DDC: variants seen among roughly 807,000 people sequenced by gnomAD.
DDC encodes the protein dopa decarboxylase, also known as aromatic-L-amino-acid decarboxylase.
In DDC, 43 loss-of-function variants were observed where a neutral mutation model predicts 60.0. The observed-to-expected ratio is 0.72, with a 90% CI of 0.56 to 0.92. The LOEUF is 0.92. Among genes scored for constraint, DDC ranks in the 40% least tolerant of loss-of-function variants. DDC has a pLI of 0.00. For synonymous variants in DDC, 232 were observed against 234.6 expected, an observed-to-expected ratio of 0.99 and a Z score of 0.10; for missense variants, 573 against 620.2, an observed-to-expected ratio of 0.92 and a Z score of 0.81.
At chr7:50,526,077 A>C (rs1339711605) in intron 6 of DDC, among the ~76,000 whole-genome samples, 1 of 152,230 alleles carries the variant, frequency 6.6e-6, no homozygotes, top group Non-Finnish European at 1.5e-5. Flanking sequence ...ACACCAAATT[A>C]CAGATTCAGG....
At position 50,548,034 on chromosome 7, in the gene DDC, A is replaced by G. The variant is rs112154651; in HGVS notation, c.-28-3921T>C. Among the ~76,000 whole-genome samples the G allele has an allele frequency of 1.3e-5, 2 of 152,334 alleles. 1 individual carries two copies. The highest frequency in any genetic ancestry group is 4.8e-5 in the African/African-American group (2 of 41,592). On this transcript the variant is annotated intron_variant, in intron 1 of 14. Coordinates refer to ENST00000444124, the MANE Select transcript of DDC (RefSeq NM_001082971.2). ...TATTATTAATCTGTTATAGTGATCT[A>G]TGGTCGGCAATCTTTGATGTTACTA...
In DDC at chr7:50,468,931, ATTTTTTTT is replaced by A. The variant is rs36005269; in HGVS notation, c.1140+1134_1140+1141del. ...CTCATATTCAGGACTCAGTTTCCTC[ATTTTTTTT>A]TTTTTTTTTTTTTTTGGTGAGACGG... is the stretch of plus-strand genomic sequence containing the variant. On this transcript the variant is annotated intron_variant, in intron 12 of 14. Transcript: ENST00000444124. Among the ~76,000 whole-genome samples, 237 of 86,164 alleles carry A rather than the reference ATTTTTTTT, an allele frequency of 2.8e-3. 1 individual carries two copies. Among genetic ancestry groups the A allele is most frequent in the East Asian group, 0.023 (74 of 3,272 alleles). 56.5% of individuals were successfully genotyped at this position (86,164 alleles called of 152,430 possible).
intron 6 of DDC, among the ~76,000 whole-genome samples, chr7:50,524,323 A>G (rs543910671): frequency 3.4e-4 from 52 of 152,360 alleles, no homozygotes; most frequent in African/African-American, 1.2e-3. Context: ...GATGTTATGT[A>G]TTGGTGAATC....
chr7:50,498,622 G>T (rs1218835526), intron 8 of DDC, among the ~76,000 whole-genome samples: 1 of 152,166 alleles, frequency 6.6e-6, no homozygotes, highest in African/African-American at 2.4e-5. Flanking sequence ...AATTTTGATT[G>T]CTACTTCTCA....
At position 50,501,130 on chromosome 7, in the gene DDC, G is replaced by A. The variant is rs369989463; in HGVS notation, c.782-1888C>T. On this transcript the variant is annotated intron_variant, in intron 7 of 14. Transcript: ENST00000444124. ...AGGCTGCCTCAGTGGGGAGGGATGG[G>A]ACAGGCTCACACCCCTCCAGCTTCC... 2.9e-3 allele frequency among the ~76,000 whole-genome samples: 438 copies of A among 152,268 alleles called. 21 individuals carry two copies. The South Asian group carries it at 0.084, about 29-fold the overall frequency.
chr7:50,499,112 G>A, intron 8 of DDC, 36 bp downstream of exon 8: 1 of 1,517,648 alleles, frequency 6.6e-7, no homozygotes, highest in Non-Finnish European at 9.2e-7. Context: ...AGAGCACTGT[G>A]AAAACAGCCT....
In DDC at chr7:50,475,206, C is replaced by A. The variant is rs1344865176; in HGVS notation, c.1041+1418G>T. On this transcript the variant is annotated intron_variant, in intron 11 of 14. Coordinates refer to ENST00000444124, the MANE Select transcript of DDC (RefSeq NM_001082971.2). ...CGAACCAGAGGAGGAGACAGAAACA[C>A]AGGCCACAGAGGCGCGAGGATGAAA... Among the ~76,000 whole-genome samples the A allele has an allele frequency of 2.6e-5, 4 of 152,218 alleles. No homozygotes were observed. In the East Asian group the frequency reaches 7.7e-4, roughly 29 times the overall value.
chr7:50,511,085 A>AC (rs1491189829), intron 6 of DDC, among the ~76,000 whole-genome samples: 15 of 149,624 alleles, frequency 1.0e-4, no homozygotes, highest in African/African-American at 3.4e-4. Flanking sequence ...ACACACACAC[A>AC]AAATAATATA....
intron 1 of DDC, among the ~76,000 whole-genome samples, chr7:50,556,411 C>G (rs2045189444): frequency 6.6e-6 from 1 of 152,122 alleles, no homozygotes; most frequent in African/African-American, 2.4e-5. Flanking sequence ...TTCATGAGGG[C>G]TCTGACTTCA....
chr7:50,477,324 A>T (rs896309), intron 10 of DDC, among the ~76,000 whole-genome samples: 2 of 152,102 alleles, frequency 1.3e-5, no homozygotes, highest in African/African-American at 4.8e-5. Context: ...GTGATCCTGC[A>T]CAAGACATCA....
At chr7:50,477,881 C>T (rs565685179) in intron 10 of DDC, among the ~76,000 whole-genome samples, 1 of 152,146 alleles carries the variant, frequency 6.6e-6, no homozygotes, top group Non-Finnish European at 1.5e-5. Flanking sequence ...CAACACTCAA[C>T]AGAGTGCATG....
At position 50,528,170 on chromosome 7, in the gene DDC, C is replaced by T. The variant is rs1329717817; in HGVS notation, c.681G>A (p.Glu227=). 6.2e-7 allele frequency: 1 copy of T among 1,613,704 alleles called. No individual in the cohort carries two copies. The part of the protein sequence containing the change: ...MRASALQEAL[E]RDKAAGLIPF... ...GAATCAGGCCAGCCGCTTTGTCTCT[C>T]TCCAGGGCTTCCTGCAGGGCAGACG... The change falls in exon 6 of 15, where the codon GAG becomes GAA. Residue 227 remains glutamate, a synonymous_variant. Coordinates refer to ENST00000444124, the MANE Select transcript of DDC (RefSeq NM_001082971.2).
chr7:50,563,611 T>TTAA (rs1364731075), intron 1 of DDC, among the ~76,000 whole-genome samples: 1 of 152,132 alleles, frequency 6.6e-6, no homozygotes, highest in Non-Finnish European at 1.5e-5. Context: ...ATTATTATTA[T>TTAA]TATTTCTTGA....
chr7:50,501,944 T>A (rs933110251), intron 7 of DDC, among the ~76,000 whole-genome samples: 1 of 152,140 alleles, frequency 6.6e-6, no homozygotes. Flanking sequence ...CATGATGGCA[T>A]GTGCCTGTGA....
rs762555334 is a variant in DDC at position 50,470,187 on chromosome 7, A to G, written c.1042-16T>C. 3.9e-6 allele frequency: 6 copies of G among 1,546,604 alleles called. No individual in the cohort carries two copies. The South Asian group carries it at 5.6e-5, about 14-fold the overall frequency. ...TCTGCCAATGCTGAAATGAAACATG[A>G]AACAGACCATCAGTGAGGAAGATAT... On this transcript the variant is annotated splice_polypyrimidine_tract_variant and intron_variant, in intron 11 of 14. Coordinates refer to ENST00000444124, the MANE Select transcript of DDC (RefSeq NM_001082971.2).
Position 50,528,266 on chromosome 7 carries a change from C to T in DDC, c.585G>A (p.Val195=). The T allele has an allele frequency of 6.2e-7, 1 of 1,614,070 alleles. No individual in the cohort carries two copies. The highest frequency in any genetic ancestry group is 8.5e-7 in the Non-Finnish European group (1 of 1,179,996). Residue 195 remains valine (V), a synonymous_variant, in exon 6 of 15, where the codon GTG becomes GTA. Transcript: ENST00000444124. ...CTCCACCAATTAACCCAGCTCTTTC[C>T]ACTGAGGAGTGTGCCTGGAAAGAAG... The part of the protein sequence containing the change: ...AYSSDQAHSS[V]ERAGLIGGVK...
intron 6 of DDC, among the ~76,000 whole-genome samples, chr7:50,507,725 A>G (rs1186768540): frequency 2.0e-5 from 3 of 152,140 alleles, no homozygotes; most frequent in Non-Finnish European, 4.4e-5. Context: ...TGTTCTGAGT[A>G]TGAAACATCT....
chr7:50,561,203 C>T (rs936537525), intron 1 of DDC: 1 of 152,246 alleles, frequency 6.6e-6, no homozygotes, highest in South Asian at 2.1e-4. Context: ...CCTGCCCCCA[C>T]TCTGCCCCCA....
At chr7:50,540,495 CA>C (rs35299591) in intron 2 of DDC, among the ~76,000 whole-genome samples, 58,195 of 107,770 alleles carry the variant, frequency 0.54, 11,814 homozygotes, top group Middle Eastern at 0.6. Flanking sequence ...AACAAACAAA[CA>C]AAAAAAAAAA....
Sources: allele counts gnomAD v4.1 joint callset (sites outside exome capture counted in the v4.1 genomes callset), GRCh38; gene constraint gnomAD v4.1.1; transcripts MANE v1.5; gene names NCBI Gene and HGNC (gene_info 2026-07-23, HGNC 2026-07-21).